TAF2: variants seen among roughly 807,000 people sequenced by gnomAD.
The protein encoded by TAF2 is transcription initiation factor TFIID subunit 2.
TAF2 carries 61 observed loss-of-function variants against 138.5 expected under a neutral mutation model. That is an observed-to-expected ratio of 0.44 (90% CI 0.36 to 0.54). The LOEUF is 0.54. Among genes scored for constraint, TAF2 ranks in the 20% least tolerant of loss-of-function variants. The pLI, the probability that TAF2 is intolerant of heterozygous loss-of-function variation, is 0.00. For missense variants in TAF2, 1,090 were observed against 1,427.9 expected, an observed-to-expected ratio of 0.76 and a Z score of 3.81; for synonymous variants, 475 against 469.9, an observed-to-expected ratio of 1.01 and a Z score of -0.14.
intron 21 of TAF2, 95 bp from the exon 22 acceptor site, chr8:119,756,210 T>G (rs1586333147): frequency 2.5e-6 from 2 of 801,094 alleles, no homozygotes; most frequent in East Asian, 5.3e-5. Context: ...TATCTGTAGT[T>G]CCTCCTTCCT....
chr8:119,829,094 T>C (rs923389778), intron 2 of TAF2, among the ~76,000 whole-genome samples: 24 of 152,158 alleles, frequency 1.6e-4, no homozygotes, highest in African/African-American at 3.9e-4. Context: ...AGTGGATGCG[T>C]TGGGGTTAAA....
At chr8:119,819,544 T>G (rs770799461) in intron 2 of TAF2, 38 bp from the exon 3 acceptor site, 2 of 1,517,352 alleles carry the variant, frequency 1.3e-6, no homozygotes, top group East Asian at 4.5e-5. Flanking sequence ...TTATAAAGAC[T>G]GGTATGTTTC....
At chr8:119,778,193 T>A in intron 17 of TAF2, 64 bp from the exon 18 acceptor site, 1 of 973,690 alleles carries the variant, frequency 1.0e-6, no homozygotes, top group South Asian at 1.4e-5. Context: ...TACAATTCAT[T>A]GAACTATAAA....
At chr8:119,816,291 T>C (rs1825471000) in intron 3 of TAF2, among the ~76,000 whole-genome samples, 1 of 151,842 alleles carries the variant, frequency 6.6e-6, no homozygotes, top group African/African-American at 2.4e-5. Context: ...TCTCCTGACC[T>C]CATGATCTGC....
intron 6 of TAF2, 109 bp downstream of exon 6, chr8:119,801,685 C>A (rs573426473): frequency 1.8e-5 from 19 of 1,078,216 alleles, no homozygotes; most frequent in Non-Finnish European, 2.7e-5. Flanking sequence ...ACCTTGGCCT[C>A]CCAAAGTGCT....
intron 2 of TAF2, among the ~76,000 whole-genome samples, chr8:119,824,390 C>T (rs1825969173): frequency 1.3e-5 from 2 of 149,260 alleles, no homozygotes; most frequent in East Asian, 2.0e-4. Context: ...GATTGAGCCA[C>T]TGCACTCCAG....
intron 22 of TAF2, among the ~76,000 whole-genome samples, 194 bp downstream of exon 22, chr8:119,755,812 C>T (rs1409697604): frequency 6.6e-6 from 1 of 152,076 alleles, no homozygotes; most frequent in East Asian, 1.9e-4. Context: ...CTCAACCACA[C>T]TATGGAGTAA....
At chr8:119,732,614 G>A (rs1377589047) in intron 25 of TAF2, among the ~76,000 whole-genome samples, 3 of 152,068 alleles carry the variant, frequency 2.0e-5, no homozygotes, top group Non-Finnish European at 4.4e-5. Flanking sequence ...AACCAGCCTG[G>A]CCAACGTGGT....
intron 3 of TAF2, among the ~76,000 whole-genome samples, chr8:119,813,236 T>C (rs1825221167): frequency 6.6e-6 from 1 of 152,214 alleles, no homozygotes; most frequent in African/African-American, 2.4e-5. Flanking sequence ...TGACTATTTG[T>C]ATATCTTCTT....
At chr8:119,742,250 T>A (rs757326655) in intron 25 of TAF2, among the ~76,000 whole-genome samples, 1 of 152,236 alleles carries the variant, frequency 6.6e-6, no homozygotes, top group African/African-American at 2.4e-5. Context: ...AATGGCATTA[T>A]CTTTTAAATT....
At chr8:119,764,784 C>T (rs569037902) in intron 18 of TAF2, among the ~76,000 whole-genome samples, 52 of 152,134 alleles carry the variant, frequency 3.4e-4, no homozygotes, top group African/African-American at 1.3e-3. Context: ...TATAAAACAT[C>T]TTCCTCTTCC....
chr8:119,774,937 C>CTT (rs1822113677), intron 18 of TAF2, among the ~76,000 whole-genome samples: 1 of 151,736 alleles, frequency 6.6e-6, no homozygotes, highest in Admixed American at 6.6e-5. Flanking sequence ...AAACAAAAAA[C>CTT]CTCTAACAAA....
At chr8:119,738,859 G>A (rs1819404902) in intron 25 of TAF2, among the ~76,000 whole-genome samples, 1 of 151,856 alleles carries the variant, frequency 6.6e-6, no homozygotes, top group South Asian at 2.1e-4. Context: ...TATTAGGAAA[G>A]GTGTAAGTTC....
chr8:119,801,750 G>GT, intron 6 of TAF2, 44 bp downstream of exon 6: 1 of 1,576,106 alleles, frequency 6.3e-7, no homozygotes. Flanking sequence ...TTTAAAAGCA[G>GT]TAAAGGGCCA....
intron 3 of TAF2, among the ~76,000 whole-genome samples, chr8:119,817,316 G>C (rs758360469): frequency 6.6e-6 from 1 of 152,118 alleles, no homozygotes; most frequent in Non-Finnish European, 1.5e-5. Context: ...TCTGAGCTTT[G>C]CCTCCTGTCA....
chr8:119,810,011 A>AAAAC (rs1554659451), intron 3 of TAF2, among the ~76,000 whole-genome samples: 1 of 151,754 alleles, frequency 6.6e-6, no homozygotes, highest in Non-Finnish European at 1.5e-5. Flanking sequence ...AAAAAAAAAA[A>AAAAC]AAAAAACAGT....
chr8:119,782,833 AATTAAG>A (rs1822761223), intron 16 of TAF2, among the ~76,000 whole-genome samples: 1 of 152,176 alleles, frequency 6.6e-6, no homozygotes, highest in African/African-American at 2.4e-5. Context: ...ACAGTGGGAT[AATTAAG>A]ATTAATCAAT....
intron 18 of TAF2, among the ~76,000 whole-genome samples, chr8:119,776,951 A>C (rs1586400911): frequency 1.3e-5 from 2 of 152,180 alleles, no homozygotes; most frequent in African/African-American, 4.8e-5. Context: ...TGCATCTTTG[A>C]ATTCCACCAA....
chr8:119,753,172 AT>A (rs1354345690), intron 22 of TAF2, among the ~76,000 whole-genome samples: 1 of 152,098 alleles, frequency 6.6e-6, no homozygotes. Context: ...ACACACAATT[AT>A]TTTTTCCTAA....
Sources: gnomAD v4.1 joint callset for allele counts (sites outside exome capture counted in the v4.1 genomes callset) on GRCh38, gnomAD v4.1.1 for gene constraint, MANE v1.5 for transcripts, NCBI Gene and HGNC (gene_info 2026-07-23, HGNC 2026-07-21) for gene names.